The following LRRC75A variants were observed in gnomAD, a reference collection of about 807,000 sequenced individuals.
The protein encoded by LRRC75A is leucine rich repeat containing 75A.
A neutral mutation model predicts 26.0 loss-of-function variants in LRRC75A; 12 were observed. That is an observed-to-expected ratio of 0.46 (90% CI 0.30 to 0.75). The LOEUF is 0.75. Ranked by LOEUF, LRRC75A falls within the 30% of genes least tolerant of loss-of-function variation. The probability of loss-of-function intolerance (pLI) is 0.08; values close to 1 mark genes in which losing one functional copy is unlikely to be tolerated. For missense variants in LRRC75A, 410 were observed against 486.6 expected, an observed-to-expected ratio of 0.84 and a Z score of 1.48; for synonymous variants, 223 against 219.3, an observed-to-expected ratio of 1.02 and a Z score of -0.15.
chr17:16,447,038 G>A, intron 3 of LRRC75A: 1 of 258,424 alleles, frequency 3.9e-6, no homozygotes, highest in South Asian at 3.1e-5. Flanking sequence ...GGACCTGCAG[G>A]GATGAGCTAG....
At chr17:16,475,899 T>A (rs978546286) in intron 1 of LRRC75A, among the ~76,000 whole-genome samples, 1 of 151,974 alleles carries the variant, frequency 6.6e-6, no homozygotes, top group Admixed American at 6.6e-5. Flanking sequence ...ATATAAAAAT[T>A]AGCTGGGTGT....
At chr17:16,475,190 G>A (rs2143369040) in intron 1 of LRRC75A, among the ~76,000 whole-genome samples, 1 of 152,208 alleles carries the variant, frequency 6.6e-6, no homozygotes, top group Middle Eastern at 3.4e-3. Context: ...GTCTCATACA[G>A]TGAGCTAGTG....
At position 16,447,867 on chromosome 17, in the gene LRRC75A, C is replaced by A; in HGVS notation, c.469G>T (p.Val157Leu). 1.3e-6 allele frequency: 2 copies of A among 1,548,316 alleles called. No homozygotes were observed. Among genetic ancestry groups the A allele is most frequent in the Non-Finnish European group, 1.7e-6 (2 of 1,145,824 alleles). The stretch of plus-strand genomic sequence containing the variant: ...CACCAGGCCTGTGGCTTCCTTTTCA[C>A]CAGCCCCCGGTGCCGCCTCCACTGG... ...HSQWRRHRGL[V>L]KRKPQACLKA... Residue 157 changes from valine to leucine, a missense_variant, in exon 3 of 4, where the codon GTG (valine) becomes TTG (leucine). Coordinates refer to ENST00000470794, the MANE Select transcript of LRRC75A (RefSeq NM_001113567.3).
intron 1 of LRRC75A, among the ~76,000 whole-genome samples, chr17:16,490,170 G>A (rs927362468): frequency 2.6e-5 from 4 of 152,198 alleles, no homozygotes; most frequent in Non-Finnish European, 5.9e-5. Flanking sequence ...CACCCTCCAA[G>A]AAGTGCTTGC....
At position 16,441,867 on chromosome 17, in the gene LRRC75A, G is replaced by A. The variant is rs2093528902; in HGVS notation, c.*1721C>T. The A allele has an allele frequency of 1.9e-5, 3 of 157,718 alleles. No individual in the cohort carries two copies. The highest frequency in any genetic ancestry group is 4.2e-5 in the Non-Finnish European group (3 of 71,128). 9.8% of individuals were successfully genotyped at this position (157,718 alleles called of 1,614,324 possible). ...TCCCTTGCCATCATGCCCAACAAGA[G>A]GTTCTATACCTTTTAATGAATTGAC... On this transcript the variant is annotated 3_prime_UTR_variant, in exon 4 of 4. Coordinates refer to ENST00000470794, the MANE Select transcript of LRRC75A (RefSeq NM_001113567.3).
chr17:16,464,416 A>C (rs907299292), intron 1 of LRRC75A, among the ~76,000 whole-genome samples: 2 of 152,178 alleles, frequency 1.3e-5, no homozygotes, highest in Non-Finnish European at 2.9e-5. Context: ...ATCCTGAAGC[A>C]AGCAACCTGA....
chr17:16,454,765 T>C (rs2093663063), intron 2 of LRRC75A, among the ~76,000 whole-genome samples: 1 of 151,956 alleles, frequency 6.6e-6, no homozygotes, highest in Non-Finnish European at 1.5e-5. Context: ...AAAAAACCTC[T>C]TTCCCTGGGG....
chr17:16,488,769 G>T (rs115530954), intron 1 of LRRC75A, among the ~76,000 whole-genome samples: 3 of 152,224 alleles, frequency 2.0e-5, no homozygotes, highest in African/African-American at 7.2e-5. Context: ...ACAGCTCAGG[G>T]TCATTTGTGC....
At position 16,464,276 on chromosome 17, in the gene LRRC75A, G is replaced by A. The variant is rs2093751151; in HGVS notation, c.247-1890C>T. On this transcript the variant is annotated intron_variant, in intron 1 of 3. Coordinates refer to ENST00000470794, the MANE Select transcript of LRRC75A (RefSeq NM_001113567.3). The stretch of plus-strand genomic sequence containing the variant: ...GGGCTCAAGGTCTGTCATGGATGCA[G>A]TCAGGGGAGGCTTCTGAAGCACTGG... Among the ~76,000 whole-genome samples, 4 of 152,226 alleles carry A rather than the reference G, an allele frequency of 2.6e-5. No homozygotes were observed. In the South Asian group the frequency reaches 8.3e-4, roughly 31 times the overall value.
chr17:16,448,171 T>C, intron 2 of LRRC75A: 1 of 569,804 alleles, frequency 1.8e-6, no homozygotes, highest in Admixed American at 2.9e-5. Context: ...AATTAGTTGC[T>C]AGCATTGAAA....
chr17:16,464,180 GGAGGC>G (rs2143193547), intron 1 of LRRC75A, among the ~76,000 whole-genome samples: 1 of 152,318 alleles, frequency 6.6e-6, no homozygotes, highest in African/African-American at 2.4e-5. Context: ...AATGAACCTT[GGAGGC>G]GAACTGCCAG....
At chr17:16,457,364 G>A (rs147341721) in intron 2 of LRRC75A, among the ~76,000 whole-genome samples, 1 of 152,346 alleles carries the variant, frequency 6.6e-6, no homozygotes, top group Non-Finnish European at 1.5e-5. Context: ...CTGCTCAGAA[G>A]GCTGGGCTCT....
intron 1 of LRRC75A, among the ~76,000 whole-genome samples, chr17:16,472,891 T>C (rs756469649): frequency 5.3e-5 from 8 of 152,208 alleles, no homozygotes; most frequent in Admixed American, 2.0e-4. Context: ...AGGATGAGTA[T>C]TTATAAACTT....
intron 3 of LRRC75A, among the ~76,000 whole-genome samples, chr17:16,447,419 C>T (rs1411981478): frequency 1.3e-5 from 2 of 152,162 alleles, no homozygotes; most frequent in African/African-American, 2.4e-5. Context: ...ATTCTCCTGC[C>T]TCAGCCTCCT....
chr17:16,478,958 A>G (rs2093827345), intron 1 of LRRC75A, among the ~76,000 whole-genome samples: 1 of 152,224 alleles, frequency 6.6e-6, no homozygotes, highest in Admixed American at 6.5e-5. Flanking sequence ...CCGGGGTGGG[A>G]GCACTCAGAC....
intron 2 of LRRC75A, among the ~76,000 whole-genome samples, chr17:16,452,598 G>C (rs962941649): frequency 1.3e-5 from 2 of 151,878 alleles, no homozygotes; most frequent in Non-Finnish European, 2.9e-5. Context: ...ACCACACCCC[G>C]CTAATTTTTT....
At chr17:16,449,816 C>T (rs1218286936) in intron 2 of LRRC75A, among the ~76,000 whole-genome samples, 2 of 152,110 alleles carry the variant, frequency 1.3e-5, no homozygotes, top group African/African-American at 4.8e-5. Context: ...GGGGTTTCAC[C>T]ATGTTGGTCA....
intron 1 of LRRC75A, chr17:16,463,219 C>T (rs1241967019): frequency 6.6e-6 from 1 of 152,196 alleles, no homozygotes; most frequent in African/African-American, 2.4e-5. Flanking sequence ...GACCCCTGAG[C>T]TTAAAACGGA....
Position 16,442,208 on chromosome 17 carries a change from T to C in LRRC75A, c.*1380A>G, listed in dbSNP as rs1388896899. 6.6e-6 allele frequency: 1 copy of C among 152,370 alleles called. No homozygotes were observed. The highest frequency in any genetic ancestry group is 1.5e-5 in the Non-Finnish European group (1 of 68,152). The allele number at this position is 152,370 out of a possible 1,614,324, so 9.4% of individuals were successfully genotyped here. ...AGGCCTCCTCAATTTCGGCCCCTGCTGCTCTGTGCTCTGTTCCTTGGTGTA... is the reference window on the plus strand; with the variant it reads ...AGGCCTCCTCAATTTCGGCCCCTGCCGCTCTGTGCTCTGTTCCTTGGTGTA... On this transcript the variant is annotated 3_prime_UTR_variant, in exon 4 of 4. Coordinates refer to ENST00000470794, the MANE Select transcript of LRRC75A (RefSeq NM_001113567.3).
Sources: allele counts gnomAD v4.1 joint callset (sites outside exome capture counted in the v4.1 genomes callset), GRCh38; gene constraint gnomAD v4.1.1; transcripts MANE v1.5; gene names NCBI Gene and HGNC (gene_info 2026-07-23, HGNC 2026-07-21).